Variants in LMF1 observed in about 807,000 individuals in gnomAD.
LMF1 encodes the protein lipase maturation factor 1, also known as transmembrane protein 112.
LMF1 carries 68 observed loss-of-function variants against 60.6 expected under a neutral mutation model. That is an observed-to-expected ratio of 1.12 (90% CI 0.92 to 1.37). LMF1 has a LOEUF of 1.37. Ranked by LOEUF, LMF1 falls within the 40% of genes most tolerant of loss-of-function variation. LMF1 has a pLI of 0.00. For missense variants in LMF1, 948 were observed against 767.2 expected, an observed-to-expected ratio of 1.24 and a Z score of -2.78; for synonymous variants, 418 against 324.7, an observed-to-expected ratio of 1.29 and a Z score of -3.09.
At chr16:869,226 C>A in intron 9 of LMF1, 170 bp from the exon 10 acceptor site, 1 of 664,308 alleles carries the variant, frequency 1.5e-6, no homozygotes, top group Non-Finnish European at 2.7e-6. Context: ...GGGCTGCCTG[C>A]TTCGTGTAGC....
intron 2 of LMF1, among the ~76,000 whole-genome samples, chr16:946,660 G>A (rs189361211): frequency 6.6e-6 from 1 of 152,204 alleles, no homozygotes; most frequent in Admixed American, 6.5e-5. Flanking sequence ...TATGCTGTTC[G>A]GAAGGTGGGC....
At chr16:881,403 T>A (rs1284382786) in intron 5 of LMF1, 2 of 151,618 alleles carry the variant, frequency 1.3e-5, no homozygotes, top group Non-Finnish European at 2.9e-5. Flanking sequence ...AGGCCAGGAG[T>A]TCCCGTGCAG....
intron 1 of LMF1, among the ~76,000 whole-genome samples, chr16:978,238 C>G (rs376289471): frequency 1.3e-5 from 2 of 149,676 alleles, no homozygotes; most frequent in South Asian, 4.2e-4. Flanking sequence ...ACCATACACA[C>G]CATACGCACT....
At chr16:891,636 A>G (rs1364317529) in intron 5 of LMF1, among the ~76,000 whole-genome samples, 1 of 150,318 alleles carries the variant, frequency 6.7e-6, no homozygotes, top group Non-Finnish European at 1.5e-5. Flanking sequence ...GGACCCCCCC[A>G]CCACTTTCCT....
chr16:875,682 C>T (rs958797975), intron 6 of LMF1, among the ~76,000 whole-genome samples: 9 of 152,162 alleles, frequency 5.9e-5, no homozygotes, highest in South Asian at 4.1e-4. Context: ...CAGGCAGCCA[C>T]GGAGCCAAGC....
At position 909,651 on chromosome 16, in the gene LMF1, C is replaced by T. The variant is rs183211927; in HGVS notation, c.663+1280G>A. 9.3e-4 allele frequency among the ~76,000 whole-genome samples: 142 copies of T among 152,372 alleles called. 1 individual carries two copies. The highest frequency in any genetic ancestry group is 3.3e-3 in the African/African-American group (136 of 41,602). On this transcript the variant is annotated intron_variant, in intron 4 of 10. Transcript: ENST00000262301. Reference sequence around the variant, plus strand: ...TCATGCTACATGATACCCCAAACCACGTGGAGTCATCGCTTCCTGAGTCCG... The same window carrying T: ...TCATGCTACATGATACCCCAAACCATGTGGAGTCATCGCTTCCTGAGTCCG...
intron 6 of LMF1, chr16:872,010 C>T (rs1218896289): frequency 1.3e-5 from 2 of 152,288 alleles, no homozygotes; most frequent in East Asian, 3.8e-4. Context: ...GAGGGACCCG[C>T]TTCTGGACAT....
intron 5 of LMF1, among the ~76,000 whole-genome samples, chr16:885,452 C>G (rs530698067): frequency 1.3e-5 from 2 of 152,146 alleles, no homozygotes; most frequent in Admixed American, 6.5e-5. Flanking sequence ...ACTTGTCAGA[C>G]TGGATTTAAA....
chr16:965,110 G>GT, intron 1 of LMF1, among the ~76,000 whole-genome samples: 1 of 152,370 alleles, frequency 6.6e-6, no homozygotes, highest in African/African-American at 2.4e-5. Flanking sequence ...TCCCGCCAGC[G>GT]TTGGGCATTC....
chr16:879,859 C>T (rs1344262657), intron 5 of LMF1, 122 bp from the exon 6 acceptor site: 6 of 979,564 alleles, frequency 6.1e-6, no homozygotes, highest in East Asian at 2.7e-5. Flanking sequence ...CCCCCCGGCC[C>T]GCCTGGCCCT....
At chr16:858,395 C>T (rs367797222) in intron 10 of LMF1, among the ~76,000 whole-genome samples, 29 of 16,974 alleles carry the variant, frequency 1.7e-3, no homozygotes, top group South Asian at 4.2e-3. Flanking sequence ...TGTCTCGGGA[C>T]GGGTGTGAGT....
chr16:973,172 G>A (rs1190804668), upstream of LMF1, among the ~76,000 whole-genome samples: 10 of 152,176 alleles, frequency 6.6e-5, no homozygotes, highest in South Asian at 2.1e-4. Context: ...GTGAAACCCC[G>A]CCTCTACTAA....
intron 2 of LMF1, chr16:947,372 G>A (rs749383544): frequency 4.8e-6 from 2 of 416,874 alleles, no homozygotes; most frequent in South Asian, 3.5e-5. Context: ...TGGAAAAGGT[G>A]TTGCAGGTAC....
chr16:941,490 T>G (rs80314333), intron 2 of LMF1, among the ~76,000 whole-genome samples: 4,554 of 152,336 alleles, frequency 0.03, 113 homozygotes, highest in Admixed American at 0.046. Context: ...CCCAAAGTGC[T>G]GGCATTACAG....
intron 2 of LMF1, among the ~76,000 whole-genome samples, chr16:939,582 C>T (rs2072039605): frequency 1.3e-5 from 2 of 151,900 alleles, no homozygotes. Context: ...AGACTGCCGG[C>T]GCCAGGCCTC....
At chr16:865,163 C>T (rs2069578419) in intron 10 of LMF1, among the ~76,000 whole-genome samples, 1 of 152,162 alleles carries the variant, frequency 6.6e-6, no homozygotes, top group African/African-American at 2.4e-5. Flanking sequence ...CTACTGATGT[C>T]ATTTTACCAC....
chr16:879,901 G>C (rs2070114630), intron 5 of LMF1, among the ~76,000 whole-genome samples, 164 bp from the exon 6 acceptor site: 1 of 152,210 alleles, frequency 6.6e-6, no homozygotes, highest in Non-Finnish European at 1.5e-5. Context: ...CACGCTAAGA[G>C]GGGCCAAGAG....
chr16:974,736 T>C (rs569185239), upstream of LMF1, among the ~76,000 whole-genome samples: 25 of 151,964 alleles, frequency 1.6e-4, no homozygotes, highest in African/African-American at 4.1e-4. Context: ...AATGAGCCCC[T>C]GTCGGCACCT....
intron 3 of LMF1, among the ~76,000 whole-genome samples, chr16:929,341 G>A (rs1469167560): frequency 6.6e-6 from 1 of 152,240 alleles, no homozygotes; most frequent in East Asian, 1.9e-4. Context: ...GGCGCCCCAT[G>A]GGGGACGGGG....
Sources: gnomAD v4.1 joint callset for allele counts (sites outside exome capture counted in the v4.1 genomes callset) on GRCh38, gnomAD v4.1.1 for gene constraint, MANE v1.5 for transcripts, NCBI Gene and HGNC (gene_info 2026-07-23, HGNC 2026-07-21) for gene names.